The following GRID2 variants were observed in gnomAD, a reference collection of about 807,000 sequenced individuals.
GRID2 encodes glutamate receptor ionotropic, delta-2.
In GRID2, 33 loss-of-function variants were observed where a neutral mutation model predicts 114.8. The observed-to-expected ratio is 0.29, with a 90% CI of 0.22 to 0.38. The LOEUF (loss-of-function observed/expected upper bound fraction) is 0.38, where lower values mean the gene tolerates loss of function less well. GRID2 is among the 10% of genes least tolerant of loss of function. The pLI, the probability that GRID2 is intolerant of heterozygous loss-of-function variation, is 1.00. For synonymous variants in GRID2, 505 were observed against 449.9 expected, an observed-to-expected ratio of 1.12 and a Z score of -1.55; for missense variants, 1,184 against 1,257.7, an observed-to-expected ratio of 0.94 and a Z score of 0.89.
intron 8 of GRID2, among the ~76,000 whole-genome samples, chr4:93,360,729 C>G (rs965335565): frequency 1.3e-4 from 20 of 151,178 alleles, no homozygotes; most frequent in African/African-American, 4.9e-4. Context: ...TTTGGGATAT[C>G]CAATTTGTTT....
intron 1 of GRID2, among the ~76,000 whole-genome samples, chr4:92,332,171 A>G (rs971088842): frequency 6.6e-6 from 1 of 151,964 alleles, no homozygotes; most frequent in South Asian, 2.1e-4. Context: ...GTTTATAAGG[A>G]AAAAAAAATT....
intron 14 of GRID2, among the ~76,000 whole-genome samples, chr4:93,730,017 T>C (rs1730335826): frequency 6.6e-6 from 1 of 152,090 alleles, no homozygotes; most frequent in Non-Finnish European, 1.5e-5. Context: ...ATAAATATAT[T>C]AAGTATATGA....
At position 93,020,567 on chromosome 4, in the gene GRID2, G is replaced by A. The variant is rs771593694; in HGVS notation, c.245-64428G>A. Among the ~76,000 whole-genome samples the A allele has an allele frequency of 4.6e-5, 7 of 152,108 alleles. No individual in the cohort carries two copies. The South Asian group carries it at 1.5e-3, about 32-fold the overall frequency. On this transcript the variant is annotated intron_variant, in intron 2 of 15. Coordinates refer to ENST00000282020, the MANE Select transcript of GRID2 (RefSeq NM_001510.4). Reference sequence around the variant, plus strand: ...ATCATGAATAGTCAAAGACTAATGTGGGTTTAAAATGTGGGTTTAAAATGG... The same window carrying A: ...ATCATGAATAGTCAAAGACTAATGTAGGTTTAAAATGTGGGTTTAAAATGG...
At chr4:93,737,148 A>T (rs1363135181) in intron 14 of GRID2, among the ~76,000 whole-genome samples, 3 of 152,096 alleles carry the variant, frequency 2.0e-5, no homozygotes, top group Admixed American at 6.6e-5. Context: ...TGCCATAGTA[A>T]AAGCTCAAAG....
At chr4:92,654,142 A>G (rs1236768544) in intron 2 of GRID2, among the ~76,000 whole-genome samples, 1 of 151,924 alleles carries the variant, frequency 6.6e-6, no homozygotes, top group Admixed American at 6.6e-5. Flanking sequence ...CTTAAGCAAC[A>G]ATTTATTTTT....
At chr4:93,540,238 G>GT (rs1287405907) in intron 13 of GRID2, among the ~76,000 whole-genome samples, 1 of 151,804 alleles carries the variant, frequency 6.6e-6, no homozygotes, top group East Asian at 1.9e-4. Context: ...TTATTGCGAT[G>GT]TTTTTTAACT....
intron 2 of GRID2, among the ~76,000 whole-genome samples, chr4:92,715,130 C>T (rs1277668162): frequency 6.6e-6 from 1 of 152,164 alleles, no homozygotes. Flanking sequence ...GAAATTTCTT[C>T]CACCAGATAC....
chr4:93,726,268 C>G (rs1388797131), intron 14 of GRID2, among the ~76,000 whole-genome samples: 1 of 152,134 alleles, frequency 6.6e-6, no homozygotes, highest in Non-Finnish European at 1.5e-5. Flanking sequence ...TTGTTTTTGT[C>G]AGGTTTGTCA....
chr4:92,310,744 G>A (rs1725660268), intron 1 of GRID2, among the ~76,000 whole-genome samples: 1 of 151,850 alleles, frequency 6.6e-6, no homozygotes, highest in South Asian at 2.1e-4. Flanking sequence ...TTAGACTAAT[G>A]TTCATTTAAT....
chr4:93,652,784 T>TA (rs200098114), intron 14 of GRID2, among the ~76,000 whole-genome samples: 2,017 of 86,156 alleles, frequency 0.023, 87 homozygotes, highest in Non-Finnish European at 0.026. Flanking sequence ...CAGTAAATGC[T>TA]AAAAAAAAAA....
intron 1 of GRID2, among the ~76,000 whole-genome samples, chr4:92,314,797 G>A (rs999766018): frequency 1.3e-5 from 2 of 152,032 alleles, no homozygotes; most frequent in African/African-American, 4.8e-5. Context: ...AAAAAATTCT[G>A]AAAACCAAAA....
intron 8 of GRID2, among the ~76,000 whole-genome samples, chr4:93,392,787 A>G: frequency 6.6e-6 from 1 of 152,078 alleles, no homozygotes; most frequent in East Asian, 1.9e-4. Flanking sequence ...AAAAAGATTC[A>G]TAAGTTATAA....
chr4:93,376,684 C>G (rs1305623842), intron 8 of GRID2, among the ~76,000 whole-genome samples: 1 of 152,070 alleles, frequency 6.6e-6, no homozygotes, highest in Non-Finnish European at 1.5e-5. Flanking sequence ...GTGGATGAAG[C>G]TGGAAGCCAT....
chr4:93,173,912 C>G (rs868699314), intron 4 of GRID2, among the ~76,000 whole-genome samples: 4 of 152,152 alleles, frequency 2.6e-5, no homozygotes, highest in South Asian at 4.1e-4. Context: ...TGTTGAGCCA[C>G]TGCAACCAGC....
At chr4:92,536,188 A>G (rs1725621274) in intron 1 of GRID2, among the ~76,000 whole-genome samples, 1 of 151,012 alleles carries the variant, frequency 6.6e-6, no homozygotes, top group Non-Finnish European at 1.5e-5. Flanking sequence ...CATTTTACAG[A>G]GTGCTGATTG....
chr4:93,480,830 A>G (rs925393819), intron 11 of GRID2, among the ~76,000 whole-genome samples: 4 of 151,964 alleles, frequency 2.6e-5, no homozygotes, highest in Non-Finnish European at 4.4e-5. Flanking sequence ...TTGTGTAGGG[A>G]TTGGCCTTCT....
intron 13 of GRID2, among the ~76,000 whole-genome samples, chr4:93,554,533 A>T (rs569313460): frequency 3.3e-4 from 51 of 152,288 alleles, no homozygotes; most frequent in Middle Eastern, 3.4e-3. Flanking sequence ...TGTAATGATG[A>T]AATCAGGGCA....
intron 2 of GRID2, among the ~76,000 whole-genome samples, chr4:92,840,114 A>G (rs1742773028): frequency 6.6e-6 from 1 of 151,860 alleles, no homozygotes; most frequent in Non-Finnish European, 1.5e-5. Flanking sequence ...CTTGAAATGT[A>G]TTTTTACAAT....
At chr4:93,320,164 T>C (rs183836035) in intron 8 of GRID2, among the ~76,000 whole-genome samples, 2 of 152,168 alleles carry the variant, frequency 1.3e-5, no homozygotes, top group Admixed American at 1.3e-4. Flanking sequence ...TTAAATCAAT[T>C]GTTAGAAGAA....
Sources: allele counts gnomAD v4.1 joint callset (sites outside exome capture counted in the v4.1 genomes callset), GRCh38; gene constraint gnomAD v4.1.1; transcripts MANE v1.5; gene names NCBI Gene and HGNC (gene_info 2026-07-23, HGNC 2026-07-21).